SGCD: variants seen among roughly 807,000 people sequenced by gnomAD.
The protein encoded by SGCD is delta-sarcoglycan.
SGCD carries 18 observed loss-of-function variants against 36.6 expected under a neutral mutation model. The observed-to-expected ratio is 0.49, with a 90% CI of 0.34 to 0.73. SGCD has a LOEUF of 0.73. Ranked by LOEUF, SGCD falls within the 30% of genes least tolerant of loss-of-function variation. The pLI is 0.01. For missense variants in SGCD, 387 were observed against 346.7 expected, an observed-to-expected ratio of 1.12 and a Z score of -0.92; for synonymous variants, 133 against 130.6, an observed-to-expected ratio of 1.02 and a Z score of -0.12.
At chr5:156,553,341 T>C (rs1248760346) in intron 4 of SGCD, among the ~76,000 whole-genome samples, 1 of 152,174 alleles carries the variant, frequency 6.6e-6, no homozygotes, top group Non-Finnish European at 1.5e-5. Context: ...GTGTTTCTTC[T>C]TTAAGATGCT....
Position 156,471,929 on chromosome 5 carries a change from A to T in SGCD, c.193-36672A>T, listed in dbSNP as rs531175816. 2.6e-5 allele frequency among the ~76,000 whole-genome samples: 4 copies of T among 152,302 alleles called. No individual in the cohort carries two copies. The South Asian group carries it at 8.3e-4, about 32-fold the overall frequency. On this transcript the variant is annotated intron_variant, in intron 3 of 8. Transcript: ENST00000337851. ...TGATTTGTATAATCAAGAATAAAAG[A>T]CAGTGATTTTTAAAAGGGCAAAAGA...
intron 3 of SGCD, among the ~76,000 whole-genome samples, chr5:156,278,853 C>T (rs1766381407): frequency 6.6e-6 from 1 of 152,064 alleles, no homozygotes; most frequent in Non-Finnish European, 1.5e-5. Context: ...AATGGCTTGC[C>T]ATAGGAGGGA....
intron 1 of SGCD, among the ~76,000 whole-genome samples, chr5:156,329,001 G>T (rs1315830479): frequency 6.6e-6 from 1 of 152,200 alleles, no homozygotes; most frequent in African/African-American, 2.4e-5. Flanking sequence ...GCATTGAGCA[G>T]AAGAGGCGTG....
intron 3 of SGCD, among the ~76,000 whole-genome samples, chr5:156,143,509 C>T (rs1357157438): frequency 6.6e-6 from 1 of 152,158 alleles, no homozygotes. Flanking sequence ...GGAAAAGCCA[C>T]AGGCACTCAA....
chr5:156,655,437 GT>G (rs1763635607), intron 7 of SGCD, among the ~76,000 whole-genome samples: 1 of 151,948 alleles, frequency 6.6e-6, no homozygotes, highest in Admixed American at 6.6e-5. Flanking sequence ...TACAGTTTTG[GT>G]TCATTGCCTT....
chr5:155,886,587 G>T (rs1363675707), intron 1 of SGCD, among the ~76,000 whole-genome samples: 2 of 152,154 alleles, frequency 1.3e-5, no homozygotes, highest in Non-Finnish European at 2.9e-5. Flanking sequence ...GTCGTGGACT[G>T]GGCAGATAAT....
chr5:156,320,102 T>TGTGTGTGTG (rs1169807209), intron 3 of SGCD, among the ~76,000 whole-genome samples: 2 of 98,446 alleles, frequency 2.0e-5, no homozygotes, highest in African/African-American at 7.8e-5. Flanking sequence ...TTGATATGTG[T>TGTGTGTGTG]GTGTGTGTGT....
At chr5:156,649,876 T>A (rs77974534) in intron 7 of SGCD, among the ~76,000 whole-genome samples, 5,296 of 151,762 alleles carry the variant, frequency 0.035, 254 homozygotes, top group East Asian at 0.17. Flanking sequence ...ATTTTTTTTT[T>A]AAAAAGCAGG....
At chr5:156,028,964 G>A (rs540922158) in intron 1 of SGCD, among the ~76,000 whole-genome samples, 18 of 152,170 alleles carry the variant, frequency 1.2e-4, no homozygotes, top group Non-Finnish European at 2.5e-4. Flanking sequence ...GTGTGTGTAC[G>A]CAGGAGGAAA....
At position 156,558,103 on chromosome 5, in the gene SGCD, ATATATATATATATATATATATT is replaced by A. The variant is rs1228824649; in HGVS notation, c.295-31127_295-31106del. Among the ~76,000 whole-genome samples, 10 of 129,282 alleles carry A rather than the reference ATATATATATATATATATATATT, an allele frequency of 7.7e-5. No homozygotes were observed. The South Asian group carries it at 1.0e-3, about 13-fold the overall frequency. 84.8% of individuals were successfully genotyped at this position (129,282 alleles called of 152,430 possible). A position where few individuals can be genotyped will look rare whatever the true frequency, so the allele number is the denominator to read the frequency against. Reference sequence around the variant, plus strand: ...AGTAAATACAAATATATATATATATATATATATATATATATATATATTATTTAACTCTCTTTTAAAGGCAGTT... The same window carrying A: ...AGTAAATACAAATATATATATATATAATTTAACTCTCTTTTAAAGGCAGTT... On this transcript the variant is annotated intron_variant, in intron 4 of 8. Transcript: ENST00000337851.
At chr5:156,537,320 G>A (rs962299897) in intron 4 of SGCD, among the ~76,000 whole-genome samples, 22 of 152,098 alleles carry the variant, frequency 1.4e-4, no homozygotes, top group African/African-American at 4.3e-4. Flanking sequence ...TGAAGCAGGG[G>A]CCCTATCCTG....
intron 4 of SGCD, among the ~76,000 whole-genome samples, chr5:156,576,171 G>T (rs946560288): frequency 2.6e-5 from 4 of 151,846 alleles, no homozygotes; most frequent in Non-Finnish European, 5.9e-5. Flanking sequence ...GAGAACATGC[G>T]GTGTTTGGTT....
At chr5:155,886,311 CTATT>C (rs960042112) in intron 1 of SGCD, among the ~76,000 whole-genome samples, 22 of 152,134 alleles carry the variant, frequency 1.4e-4, no homozygotes, top group African/African-American at 5.1e-4. Flanking sequence ...ATCTATCTAT[CTATT>C]TACGCCAAAA....
chr5:156,253,244 C>T (rs974394795), intron 3 of SGCD, among the ~76,000 whole-genome samples: 10 of 152,112 alleles, frequency 6.6e-5, no homozygotes, highest in African/African-American at 2.4e-4. Context: ...TGGATCTTCT[C>T]CTGACTTTTC....
rs575394019 is a variant in SGCD, at chr5:156,242,069, A to C, written c.-43-87465A>C. Among the ~76,000 whole-genome samples, 4 of 152,330 alleles carry C rather than the reference A, an allele frequency of 2.6e-5. No homozygotes were observed. The East Asian group carries it at 7.7e-4, about 29-fold the overall frequency. On this transcript the variant is annotated intron_variant, in intron 3 of 9. Coordinates refer to the SGCD transcript ENST00000517913. ...AAAAATCCTACTTACGAATGTTTAT[A>C]ACAGTTTTGTTCATCATAGCCCAAA...
intron 3 of SGCD, among the ~76,000 whole-genome samples, chr5:156,184,341 G>A (rs907763959): frequency 3.3e-5 from 5 of 150,114 alleles, no homozygotes; most frequent in African/African-American, 1.2e-4. Context: ...CCTGTGAAGT[G>A]GGGATATGAG....
intron 3 of SGCD, among the ~76,000 whole-genome samples, chr5:156,368,390 C>G (rs1477492066): frequency 2.6e-5 from 4 of 152,228 alleles, no homozygotes; most frequent in Admixed American, 2.6e-4. Context: ...TGCGCCTGGC[C>G]TGTACTCATG....
chr5:156,451,376 G>A (rs1383230462), intron 3 of SGCD, among the ~76,000 whole-genome samples: 1 of 152,134 alleles, frequency 6.6e-6, no homozygotes, highest in Non-Finnish European at 1.5e-5. Context: ...GTGTTGATAA[G>A]AGTATGTTTA....
intron 4 of SGCD, among the ~76,000 whole-genome samples, chr5:156,554,547 A>C (rs1010883876): frequency 6.6e-6 from 1 of 150,692 alleles, no homozygotes; most frequent in Non-Finnish European, 1.5e-5. Context: ...TGTTATATAA[A>C]CATATGTATC....
Sources: gnomAD v4.1 joint callset for allele counts (sites outside exome capture counted in the v4.1 genomes callset) on GRCh38, gnomAD v4.1.1 for gene constraint, MANE v1.5 for transcripts, NCBI Gene and HGNC (gene_info 2026-07-23, HGNC 2026-07-21) for gene names.